Variants in CEP128 observed in about 807,000 individuals in gnomAD.
The protein encoded by CEP128 is centrosomal protein 128kDa.
In CEP128, 132 loss-of-function variants were observed where a neutral mutation model predicts 156.7. The ratio of observed to expected loss-of-function variants is 0.84; its 90% CI spans 0.73 to 0.97. The LOEUF (loss-of-function observed/expected upper bound fraction) is 0.97, where lower values mean the gene tolerates loss of function less well. Among genes scored for constraint, CEP128 ranks in the 50% least tolerant of loss-of-function variants. The pLI is 0.00. For synonymous variants in CEP128, 469 were observed against 448.9 expected, an observed-to-expected ratio of 1.04 and a Z score of -0.57; for missense variants, 1,252 against 1,281.9, an observed-to-expected ratio of 0.98 and a Z score of 0.36.
intron 19 of CEP128, among the ~76,000 whole-genome samples, chr14:80,736,331 G>A (rs959709257): frequency 4.0e-5 from 6 of 151,318 alleles, no homozygotes; most frequent in Non-Finnish European, 8.8e-5. Context: ...AGCTCAAATC[G>A]AATCTATTTT....
At chr14:80,657,042 G>A (rs921367036) in intron 19 of CEP128, among the ~76,000 whole-genome samples, 3 of 151,560 alleles carry the variant, frequency 2.0e-5, no homozygotes, top group East Asian at 2.0e-4. Flanking sequence ...GGTGGATCAC[G>A]AAGTCAGGTG....
intron 19 of CEP128, among the ~76,000 whole-genome samples, chr14:80,701,540 C>A (rs1897075255): frequency 6.6e-6 from 1 of 152,136 alleles, no homozygotes; most frequent in South Asian, 2.1e-4. Context: ...TTCTCTCCTG[C>A]CTCAAAGATG....
intron 19 of CEP128, among the ~76,000 whole-genome samples, chr14:80,593,218 C>T (rs1252596467): frequency 2.0e-5 from 3 of 152,068 alleles, no homozygotes; most frequent in African/African-American, 7.2e-5. Context: ...CAAATTGTCT[C>T]TGTTTGCAGA....
intron 8 of CEP128, among the ~76,000 whole-genome samples, chr14:80,876,648 G>A (rs1008710597): frequency 6.1e-5 from 9 of 148,034 alleles, no homozygotes; most frequent in Non-Finnish European, 1.2e-4. Context: ...CTCAATAGAA[G>A]CAATAAAACC....
At chr14:80,814,347 A>G (rs1050643933) in intron 13 of CEP128, among the ~76,000 whole-genome samples, 1 of 152,070 alleles carries the variant, frequency 6.6e-6, no homozygotes, top group Non-Finnish European at 1.5e-5. Flanking sequence ...TGTATTTTCT[A>G]TCATTTTGTC....
At chr14:80,942,325 G>A (rs1244250424), upstream of CEP128, 1 of 152,218 alleles carries the variant, frequency 6.6e-6, no homozygotes, top group South Asian at 2.1e-4. Flanking sequence ...AAAAGTAGAT[G>A]TGAGGCTGTC....
chr14:80,712,499 T>C (rs1897449834), intron 19 of CEP128, among the ~76,000 whole-genome samples: 1 of 152,154 alleles, frequency 6.6e-6, no homozygotes, highest in South Asian at 2.1e-4. Flanking sequence ...CTGGAAGGAC[T>C]TGACCTATGG....
chr14:80,498,362 C>T (rs548625949), intron 24 of CEP128, among the ~76,000 whole-genome samples: 2 of 152,276 alleles, frequency 1.3e-5, no homozygotes, highest in African/African-American at 4.8e-5. Context: ...ACCACAGTTA[C>T]CTTTCGGAAA....
rs190807763 is a variant in CEP128 at position 80,616,116 on chromosome 14, T to C, written c.2807-35693A>G. ...GCCGGTGGCCTGTTCAATTTCACTC[T>C]TGCTGATAGACAGCTGCGTCTCTCA... On this transcript the variant is annotated intron_variant, in intron 19 of 24. Coordinates refer to ENST00000555265, the MANE Select transcript of CEP128 (RefSeq NM_152446.5). Among the ~76,000 whole-genome samples the C allele has an allele frequency of 1.5e-3, 223 of 152,342 alleles. 1 individual carries two copies. Among genetic ancestry groups the C allele is most frequent in the African/African-American group, 5.1e-3 (212 of 41,584 alleles).
At chr14:80,717,902 C>A (rs1897667344) in intron 19 of CEP128, among the ~76,000 whole-genome samples, 1 of 152,144 alleles carries the variant, frequency 6.6e-6, no homozygotes, top group South Asian at 2.1e-4. Context: ...GCAGCCTCGA[C>A]CTCTCAGGCT....
At chr14:80,644,344 T>C (rs906284846) in intron 19 of CEP128, among the ~76,000 whole-genome samples, 4 of 152,284 alleles carry the variant, frequency 2.6e-5, no homozygotes, top group South Asian at 4.1e-4. Flanking sequence ...ACATTGGAGA[T>C]AAACGTTTAG....
chr14:80,881,936 TC>T (rs1484661394), intron 8 of CEP128, among the ~76,000 whole-genome samples: 1 of 152,148 alleles, frequency 6.6e-6, no homozygotes, highest in Admixed American at 6.5e-5. Flanking sequence ...TGAAAGCCTT[TC>T]CTCTAAGATC....
At chr14:80,723,948 ATCC>A (rs1291480241) in intron 19 of CEP128, among the ~76,000 whole-genome samples, 6 of 152,228 alleles carry the variant, frequency 3.9e-5, no homozygotes, top group Non-Finnish European at 1.5e-5. Flanking sequence ...GAACACAATC[ATCC>A]ATCATCATAA....
At chr14:80,823,300 C>T (rs1316447660) in intron 13 of CEP128, among the ~76,000 whole-genome samples, 5 of 152,294 alleles carry the variant, frequency 3.3e-5, no homozygotes, top group South Asian at 4.1e-4. Context: ...TTCGAGATTG[C>T]GGATCTTCAG....
At chr14:80,617,217 A>ACCT (rs1491470595) in intron 19 of CEP128, among the ~76,000 whole-genome samples, 1,041 of 42,792 alleles carry the variant, frequency 0.024, 116 homozygotes, top group Middle Eastern at 0.034. Context: ...TGTGAATATC[A>ACCT]TCTTTTTTTT....
At chr14:80,758,752 T>G (rs1048568428) in intron 17 of CEP128, among the ~76,000 whole-genome samples, 1 of 152,110 alleles carries the variant, frequency 6.6e-6, no homozygotes, top group Non-Finnish European at 1.5e-5. Flanking sequence ...AAAATAATGA[T>G]AGGTAACATT....
At chr14:80,585,387 T>C (rs1891778779) in intron 19 of CEP128, among the ~76,000 whole-genome samples, 1 of 152,218 alleles carries the variant, frequency 6.6e-6, no homozygotes, top group Admixed American at 6.5e-5. Context: ...AAGAAGCAGA[T>C]AGATTGTTTG....
rs554183236 is a variant in CEP128 at position 80,899,915 on chromosome 14, T to C, written c.572+23A>G. ...TTCTCCTCATAATTTATCCCTCCCA[T>C]AAAAACCATAGGCTGCTTTTACCGG... On this transcript the variant is annotated intron_variant, in intron 7 of 24. Coordinates refer to ENST00000555265, the MANE Select transcript of CEP128 (RefSeq NM_152446.5). The C allele has an allele frequency of 2.0e-5, 31 of 1,538,518 alleles. 2 individuals are homozygous for C. In the South Asian group the frequency reaches 3.4e-4, roughly 17 times the overall value.
intron 14 of CEP128, among the ~76,000 whole-genome samples, chr14:80,483,864 C>T (rs868010221): frequency 2.0e-5 from 3 of 152,032 alleles, no homozygotes; most frequent in Non-Finnish European, 4.4e-5. Context: ...TTATGTCTGG[C>T]GATTTTCTAT....
Sources: allele counts gnomAD v4.1 joint callset (sites outside exome capture counted in the v4.1 genomes callset), GRCh38; gene constraint gnomAD v4.1.1; transcripts MANE v1.5; gene names NCBI Gene and HGNC (gene_info 2026-07-23, HGNC 2026-07-21).